The following RCL1 variants were observed in gnomAD, a reference collection of about 807,000 sequenced individuals.
RCL1 encodes RNA 3'-terminal phosphate cyclase-like protein.
RCL1 carries 24 observed loss-of-function variants against 42.4 expected under a neutral mutation model. That is an observed-to-expected ratio of 0.57 (90% confidence interval 0.41 to 0.80). RCL1 has a LOEUF of 0.80. Among genes scored for constraint, RCL1 ranks in the 30% least tolerant of loss-of-function variants. RCL1 has a pLI of 0.00. For synonymous variants in RCL1, 228 were observed against 177.3 expected (o/e 1.29, Z -2.27); for missense variants, 578 against 467.9 (o/e 1.24, Z -2.17).
chr9:4,816,421 T>C (rs562580048), intron 1 of RCL1, among the ~76,000 whole-genome samples: 120 of 152,336 alleles, frequency 7.9e-4, no homozygotes, highest in African/African-American at 2.8e-3. Flanking sequence ...ATATAAACTC[T>C]GTGTTACATT....
intron 1 of RCL1, among the ~76,000 whole-genome samples, chr9:4,818,630 C>G (rs929988909): frequency 2.0e-5 from 3 of 152,100 alleles, no homozygotes; most frequent in Admixed American, 1.3e-4. Flanking sequence ...CGCCTGTAAT[C>G]CCAGCACTTT....
At chr9:4,793,963 A>G (rs1021788262) in intron 1 of RCL1, among the ~76,000 whole-genome samples, 1 of 152,204 alleles carries the variant, frequency 6.6e-6, no homozygotes, top group African/African-American at 2.4e-5. Flanking sequence ...AAATAGGCCC[A>G]TTTAAACCCA....
At chr9:4,811,905 A>G (rs1472382338) in intron 1 of RCL1, among the ~76,000 whole-genome samples, 2 of 152,072 alleles carry the variant, frequency 1.3e-5, no homozygotes, top group African/African-American at 4.8e-5. Context: ...CTGGGGTGAG[A>G]TGATATCTCA....
intron 1 of RCL1, among the ~76,000 whole-genome samples, chr9:4,798,393 T>A (rs992366147): frequency 1.3e-5 from 2 of 152,228 alleles, no homozygotes; most frequent in Non-Finnish European, 2.9e-5. Flanking sequence ...ACAGGACTGC[T>A]ACTACCCAGG....
At chr9:4,832,431 C>T (rs897778317) in intron 3 of RCL1, among the ~76,000 whole-genome samples, 16 of 152,076 alleles carry the variant, frequency 1.1e-4, no homozygotes, top group Non-Finnish European at 1.6e-4. Context: ...GGAATGCTAC[C>T]GGCTCTAAAC....
intron 8 of RCL1, among the ~76,000 whole-genome samples, chr9:4,852,699 G>C (rs956101670): frequency 6.6e-6 from 1 of 152,034 alleles, no homozygotes; most frequent in African/African-American, 2.4e-5. Flanking sequence ...GGAGCTGTCA[G>C]TGCTGGGTGC....
intron 1 of RCL1, chr9:4,804,776 C>T (rs1185328039): frequency 1.1e-5 from 2 of 181,152 alleles, no homozygotes; most frequent in African/African-American, 2.4e-5. Flanking sequence ...CCTGCCGGAG[C>T]AGCGAATTGG....
chr9:4,851,336 C>T (rs1479299482), intron 8 of RCL1, among the ~76,000 whole-genome samples: 1 of 152,182 alleles, frequency 6.6e-6, no homozygotes, highest in Non-Finnish European at 1.5e-5. Flanking sequence ...GAGCTTTGTG[C>T]AGACGGGTCT....
intron 8 of RCL1, among the ~76,000 whole-genome samples, chr9:4,856,836 C>T (rs1379729700): frequency 6.6e-6 from 1 of 152,192 alleles, no homozygotes; most frequent in Non-Finnish European, 1.5e-5. Context: ...GTTAATGTTT[C>T]ATCTCTTAGC....
chr9:4,860,563 A>G lies in RCL1; in HGVS notation c.*288A>G, dbSNP rs2129768853. On this transcript the variant is annotated 3_prime_UTR_variant, in exon 9 of 9. Transcript: ENST00000381750. ...CAGGCCACAGTCGTGCTGCTAGAAC[A>G]GTCTCGTAGCTGCAGTTCAGCTGTG... 2 of 359,222 alleles carry G rather than the reference A, an allele frequency of 5.6e-6. No individual in the cohort carries two copies. Among genetic ancestry groups the G allele is most frequent in the Non-Finnish European group, 9.9e-6 (2 of 201,022 alleles). 22.3% of individuals were successfully genotyped at this position (359,222 alleles called of 1,614,324 possible).
chr9:4,828,020 A>G (rs1330331619), intron 3 of RCL1, among the ~76,000 whole-genome samples: 3 of 152,102 alleles, frequency 2.0e-5, no homozygotes, highest in African/African-American at 4.8e-5. Flanking sequence ...CCCCGTCTCT[A>G]CTAAAAATAC....
At position 4,833,161 on chromosome 9, in the gene RCL1, T is replaced by G; in HGVS notation, c.392T>G (p.Val131Gly). Residue 131 changes from valine to glycine, a missense_variant, in exon 4 of 9, where the codon GTT (valine) becomes GGT (glycine). By Grantham distance (109) the Val-to-Gly change is moderately radical. Transcript: ENST00000381750. Reference sequence around the variant, plus strand: ...TCTGAAATAATTTCATAGGTTGATGTTCTTAAGGCAACAGCACTCCCTTTG... The same window carrying G: ...TCTGAAATAATTTCATAGGTTGATGGTCTTAAGGCAACAGCACTCCCTTTG... Reference protein sequence around the residue: ...TNDQVDPSVDVLKATALPLLK... With the variant: ...TNDQVDPSVDGLKATALPLLK... 1 of 1,609,542 alleles carries G rather than the reference T, an allele frequency of 6.2e-7. No homozygotes were observed. Among genetic ancestry groups the G allele is most frequent in the Non-Finnish European group, 8.5e-7 (1 of 1,175,814 alleles).
intron 8 of RCL1, among the ~76,000 whole-genome samples, chr9:4,851,945 A>G (rs996513028): frequency 3.4e-5 from 5 of 145,382 alleles, no homozygotes; most frequent in Admixed American, 1.4e-4. Flanking sequence ...CAGAGGCGCA[A>G]TCTCCGCCCA....
intron 3 of RCL1, among the ~76,000 whole-genome samples, chr9:4,827,853 C>A (rs774857852): frequency 6.6e-6 from 1 of 151,822 alleles, no homozygotes; most frequent in Non-Finnish European, 1.5e-5. Context: ...GGGGTGGATT[C>A]CCTGCTTTTG....
Position 4,826,916 on chromosome 9 carries a change from T to A in RCL1, c.267T>A (p.Cys89Ter). The change falls in exon 3 of 9, where the codon TGT becomes TGA. Residue 89 changes from cysteine (C) to a stop codon, truncating the protein, a stop_gained. Coordinates refer to ENST00000381750, the MANE Select transcript of RCL1 (RefSeq NM_005772.5). LOFTEE classifies it high-confidence loss of function. The part of the protein sequence containing the change: ...LLYGGSVEHD[C>*]SVLRGIGYYL... ...ATGGTGGATCTGTGGAACATGACTG[T>A]AGCGTCCTTCGTGGCATTGGGTATT... The A allele has an allele frequency of 2.5e-6, 4 of 1,614,150 alleles. No individual in the cohort carries two copies. The highest frequency in any genetic ancestry group is 3.4e-6 in the Non-Finnish European group (4 of 1,179,970).
chr9:4,798,138 A>G (rs1284194859), intron 1 of RCL1, among the ~76,000 whole-genome samples: 1 of 152,230 alleles, frequency 6.6e-6, no homozygotes, highest in Non-Finnish European at 1.5e-5. Flanking sequence ...TCCTGCCTGA[A>G]GGACCTGTTC....
chr9:4,842,094 A>G (rs758762223), intron 6 of RCL1, among the ~76,000 whole-genome samples: 15 of 152,160 alleles, frequency 9.9e-5, no homozygotes, highest in Non-Finnish European at 1.6e-4. Flanking sequence ...TATTTTGCCA[A>G]ATTTGCTTCA....
chr9:4,809,778 C>T (rs949343712), intron 1 of RCL1, among the ~76,000 whole-genome samples: 21 of 152,008 alleles, frequency 1.4e-4, no homozygotes, highest in African/African-American at 4.8e-4. Flanking sequence ...AATGGCTTTT[C>T]TGTGTCATGA....
At chr9:4,834,093 C>G (rs1442720351) in intron 4 of RCL1, 48 bp from the exon 5 acceptor site, 2 of 1,592,536 alleles carry the variant, frequency 1.3e-6, no homozygotes. Context: ...TCAGGGTAAT[C>G]CATTGCTTTG....
Sources: allele counts gnomAD v4.1 joint callset (sites outside exome capture counted in the v4.1 genomes callset), GRCh38; gene constraint gnomAD v4.1.1; transcripts MANE v1.5; gene names NCBI Gene and HGNC (gene_info 2026-07-23, HGNC 2026-07-21).